The following TRIM5 variants were observed in gnomAD, a reference collection of about 807,000 sequenced individuals.
The protein encoded by TRIM5 is tripartite motif containing 5.
TRIM5 carries 31 observed loss-of-function variants against 35.6 expected under a neutral mutation model. That is an observed-to-expected ratio of 0.87 (90% CI 0.65 to 1.18). TRIM5 has a LOEUF of 1.18. TRIM5 is among the 50% of genes most tolerant of loss of function. The pLI is 0.00. For synonymous variants in TRIM5, 243 were observed against 215.6 expected, an observed-to-expected ratio of 1.13 and a Z score of -1.11; for missense variants, 609 against 591.6, an observed-to-expected ratio of 1.03 and a Z score of -0.31.
At chr11:5,667,354 G>A (rs573664751) in intron 5 of TRIM5, among the ~76,000 whole-genome samples, 1 of 152,088 alleles carries the variant, frequency 6.6e-6, no homozygotes, top group Middle Eastern at 3.4e-3. Context: ...TTACAGGCAC[G>A]GGCCACCACG....
the TRIM5 span, chr11:5,644,415 T>C: frequency 2.5e-6 from 1 of 395,622 alleles, no homozygotes; most frequent in East Asian, 3.6e-5. Flanking sequence ...GCTGTAGTAA[T>C]GTCCTGTGCA....
the TRIM5 span, among the ~76,000 whole-genome samples, chr11:5,588,635 T>C: frequency 6.6e-6 from 1 of 151,330 alleles, no homozygotes; most frequent in Admixed American, 6.6e-5. Flanking sequence ...ACCTTCTTTC[T>C]TTCTTTATAC....
At chr11:5,629,998 G>A in the TRIM5 span, among the ~76,000 whole-genome samples, 3 of 152,080 alleles carry the variant, frequency 2.0e-5, no homozygotes, top group African/African-American at 4.8e-5. Flanking sequence ...GAGCCACCGC[G>A]CCCGGCCTCA....
At chr11:5,634,524 CACACACATATATAT>C in the TRIM5 span, 30 of 676,862 alleles carry the variant, frequency 4.4e-5, 1 homozygote, top group African/African-American at 6.0e-4. Flanking sequence ...CACACACACA[CACACACATATATAT>C]ATATATATAT....
At chr11:5,622,872 C>A in the TRIM5 span, among the ~76,000 whole-genome samples, 41 of 152,308 alleles carry the variant, frequency 2.7e-4, no homozygotes, top group Admixed American at 2.7e-3. Context: ...GAGGTCCTGA[C>A]AACATGTACC....
the TRIM5 span, among the ~76,000 whole-genome samples, chr11:5,607,522 T>C: frequency 6.6e-6 from 1 of 152,096 alleles, no homozygotes; most frequent in Non-Finnish European, 1.5e-5. Context: ...CATTGAGATG[T>C]ATGGAGCACA....
the TRIM5 span, among the ~76,000 whole-genome samples, chr11:5,616,116 A>G: frequency 6.8e-6 from 1 of 147,096 alleles, no homozygotes; most frequent in Non-Finnish European, 1.5e-5. Context: ...ACGCCCGGCT[A>G]ATTTTTTTGT....
the TRIM5 span, among the ~76,000 whole-genome samples, chr11:5,615,466 A>T: frequency 1.9e-5 from 1 of 52,386 alleles, no homozygotes; most frequent in Non-Finnish European, 4.0e-5. Flanking sequence ...CTGTTGATGA[A>T]CTGACACCCC....
chr11:5,592,123 T>C, the TRIM5 span, among the ~76,000 whole-genome samples: 1 of 152,090 alleles, frequency 6.6e-6, no homozygotes, highest in South Asian at 2.1e-4. Flanking sequence ...AATGAGATAA[T>C]AGGAAAGAAA....
chr11:5,625,935 C>T, the TRIM5 span, among the ~76,000 whole-genome samples: 2 of 152,234 alleles, frequency 1.3e-5, no homozygotes, highest in Non-Finnish European at 2.9e-5. Flanking sequence ...AAGGAGCCCA[C>T]GGATTTAATC....
chr11:5,611,884 G>C, the TRIM5 span: 1 of 152,346 alleles, frequency 6.6e-6, no homozygotes, highest in Non-Finnish European at 1.5e-5. Flanking sequence ...CATAGTATTT[G>C]ATGCAGGTTT....
chr11:5,666,373 G>T, intron 5 of TRIM5: 2 of 292,326 alleles, frequency 6.8e-6, no homozygotes, highest in Non-Finnish European at 6.3e-6. Context: ...TAAACTCATA[G>T]GACATAAAAA....
At chr11:5,660,000 G>A (rs1850760241), downstream of TRIM5, among the ~76,000 whole-genome samples, 4 of 150,556 alleles carry the variant, frequency 2.7e-5, no homozygotes, top group African/African-American at 2.4e-5. Flanking sequence ...TTTTTGAAAC[G>A]GAGTCTCGCT....
intron 7 of TRIM5, 35 bp downstream of exon 7, chr11:5,665,621 G>T: frequency 2.5e-6 from 4 of 1,576,770 alleles, no homozygotes; most frequent in Non-Finnish European, 3.4e-6. Context: ...ATGATAAGCC[G>T]CAGGGTGGCT....
At chr11:5,642,384 A>G in the TRIM5 span, 1 of 1,603,434 alleles carries the variant, frequency 6.2e-7, no homozygotes, top group Non-Finnish European at 8.5e-7. Context: ...TGTGGGGGTC[A>G]AAAAATTTTT....
chr11:5,634,520 CACACACACACATATATATAT>C, the TRIM5 span: 2 of 636,234 alleles, frequency 3.1e-6, no homozygotes, highest in African/African-American at 4.2e-5. Flanking sequence ...CACACACACA[CACACACACACATATATATAT>C]ATATATATTT....
intron 1 of TRIM5, among the ~76,000 whole-genome samples, chr11:5,681,320 A>G (rs1414021195): frequency 6.6e-6 from 1 of 152,240 alleles, no homozygotes; most frequent in Non-Finnish European, 1.5e-5. Flanking sequence ...TTCTGCGTAC[A>G]GGGAGAAGGC....
At chr11:5,634,583 C>A in the TRIM5 span, 1 of 1,555,638 alleles carries the variant, frequency 6.4e-7, no homozygotes, top group East Asian at 2.3e-5. Context: ...GCACAATAGG[C>A]CTTAGCCTGA....
chr11:5,640,341 A>G, the TRIM5 span, among the ~76,000 whole-genome samples: 14 of 151,942 alleles, frequency 9.2e-5, no homozygotes, highest in Admixed American at 2.0e-4. Context: ...TTTTTTTATG[A>G]AAGTGTGCTG....
Sources: allele counts gnomAD v4.1 joint callset (sites outside exome capture counted in the v4.1 genomes callset), GRCh38; gene constraint gnomAD v4.1.1; transcripts MANE v1.5; gene names NCBI Gene and HGNC (gene_info 2026-07-23, HGNC 2026-07-21).